Variants in FADS2 observed in about 807,000 individuals in gnomAD.
FADS2 encodes acyl-CoA 6-desaturase.
A neutral mutation model predicts 61.2 loss-of-function variants in FADS2; 18 were observed. The observed-to-expected ratio is 0.29, with a 90% confidence interval of 0.20 to 0.44. The LOEUF is 0.44. FADS2 is among the 20% of genes least tolerant of loss of function. The pLI is 1.00. For synonymous variants in FADS2, 203 were observed against 223.9 expected (o/e 0.91, Z 0.83); for missense variants, 322 against 572.7 (o/e 0.56, Z 4.47).
chr11:61,821,309 C>A, intron 1 of FADS2: 1 of 664,148 alleles, frequency 1.5e-6, no homozygotes, highest in South Asian at 1.6e-5. Context: ...TACTTGAGCT[C>A]AGGAGTTGGA....
upstream of FADS2, chr11:61,828,193 C>T (rs1263959428): frequency 4.9e-6 from 7 of 1,417,378 alleles, no homozygotes; most frequent in Admixed American, 5.9e-5. The surrounding 1 kb of genome is among the most constrained non-coding windows in gnomAD (Gnocchi z 6.4). Flanking sequence ...AGGGATCCTC[C>T]GCCAGGAAGG....
Position 61,837,771 on chromosome 11 carries a change from T to A in FADS2, c.208-7T>A, listed in dbSNP as rs2067186020. The A allele has an allele frequency of 6.2e-7, 1 of 1,601,316 alleles. No individual in the cohort carries two copies. The highest frequency in any genetic ancestry group is 1.3e-5 in the African/African-American group (1 of 74,630). On this transcript the variant is annotated splice_region_variant and splice_polypyrimidine_tract_variant and intron_variant, in intron 1 of 11. Coordinates refer to ENST00000278840, the MANE Select transcript of FADS2 (RefSeq NM_004265.4). ...TCTTAGCCTCATCACTGCCCTCTGC[T>A]CTCCAGGATGCCTTCCGCGCCTTCC...
At chr11:61,843,723 A>T (rs978632738) in intron 4 of FADS2, among the ~76,000 whole-genome samples, 2 of 152,152 alleles carry the variant, frequency 1.3e-5, no homozygotes, top group Non-Finnish European at 2.9e-5. Flanking sequence ...CAATGGCGTG[A>T]TCTCAACTCA....
rs890697472 is a variant in FADS2 at position 61,865,440 on chromosome 11, C to T, written c.1283+163C>T. The T allele has an allele frequency of 6.0e-6, 6 of 997,582 alleles. No individual in the cohort carries two copies. Among genetic ancestry groups the T allele is most frequent in the Non-Finnish European group, 8.8e-6 (6 of 681,906 alleles). The allele number at this position is 997,582 out of a possible 1,614,324, so 61.8% of individuals were successfully genotyped here. ...CTGTTGGGCTTTTCTCCCTGGGCTG[C>T]GAGAAGACCATCCCTTTCTGTGTGG... On this transcript the variant is annotated intron_variant, in intron 11 of 11. Transcript: ENST00000278840. The surrounding 1 kb of genome is among the most constrained non-coding windows in gnomAD (Gnocchi z 4.1).
chr11:61,863,259 C>T (rs746703791), intron 8 of FADS2, 23 bp from the exon 9 acceptor site: 105 of 1,596,624 alleles, frequency 6.6e-5, no homozygotes, highest in East Asian at 1.3e-4. Context: ...GAGGCCCCTG[C>T]GCTGAGCTGT....
chr11:61,824,128 T>A (rs2135949062), upstream of FADS2, among the ~76,000 whole-genome samples: 1 of 151,592 alleles, frequency 6.6e-6, no homozygotes, highest in Middle Eastern at 3.4e-3. Context: ...ATGCCTGTAA[T>A]CCCAGCACTT....
chr11:61,837,253 T>A (rs2067181586), intron 1 of FADS2, among the ~76,000 whole-genome samples: 1 of 152,260 alleles, frequency 6.6e-6, no homozygotes, highest in South Asian at 2.1e-4. Flanking sequence ...GAACGCTTTT[T>A]ACATAATTCT....
upstream of FADS2, among the ~76,000 whole-genome samples, chr11:61,825,853 A>G (rs1408522395): frequency 6.6e-6 from 1 of 152,138 alleles, no homozygotes; most frequent in African/African-American, 2.4e-5. Flanking sequence ...AGATCGCACC[A>G]CTGCACTCTA....
At chr11:61,827,940 G>A (rs2067096898), upstream of FADS2, 2 of 697,788 alleles carry the variant, frequency 2.9e-6, no homozygotes, top group Non-Finnish European at 3.6e-6. The surrounding 1 kb of genome is among the most constrained non-coding windows in gnomAD (Gnocchi z 4.5). Flanking sequence ...GATCCTCCTG[G>A]GCCAATGGCA....
At chr11:61,830,406 C>T (rs946685851) in intron 1 of FADS2, among the ~76,000 whole-genome samples, 2 of 152,202 alleles carry the variant, frequency 1.3e-5, no homozygotes, top group African/African-American at 4.8e-5. Flanking sequence ...TGATTTATTT[C>T]TTCCTTGTTC....
intron 7 of FADS2, chr11:61,862,003 G>T (rs1320625306): frequency 6.6e-6 from 1 of 152,254 alleles, no homozygotes; most frequent in African/African-American, 2.4e-5. Flanking sequence ...GCAGTCCCTT[G>T]GCCTCACCTT....
chr11:61,822,558 A>G (rs1052634185), intron 1 of FADS2, among the ~76,000 whole-genome samples: 7 of 152,134 alleles, frequency 4.6e-5, no homozygotes, highest in Non-Finnish European at 7.4e-5. Flanking sequence ...AGGCCCTCAG[A>G]CCTGCCTCTA....
chr11:61,857,512 C>G lies in FADS2; in HGVS notation c.864C>G (p.Ile288Met), dbSNP rs771811186. Residue 288 changes from isoleucine (I) to methionine (M), a missense_variant, in exon 7 of 12, where the codon ATC becomes ATG. Physicochemically the swap from Ile to Met is conservative, Grantham distance 10. Around this residue, in one of 3 missense-constraint regions of FADS2, gnomAD observed 221 missense variants for 427.9 expected, o/e 0.52. Coordinates refer to ENST00000278840, the MANE Select transcript of FADS2 (RefSeq NM_004265.4). Reference sequence around the variant, plus strand: ...AGTACCAGATCATCATGACCATGATCGTCCATAAGAACTGGGTGGTGAGTT... The same window carrying G: ...AGTACCAGATCATCATGACCATGATGGTCCATAAGAACTGGGTGGTGAGTT... Reference protein sequence around the residue: ...YFQYQIIMTMIVHKNWVDLAW... With the variant: ...YFQYQIIMTMMVHKNWVDLAW... 2.5e-6 allele frequency: 4 copies of G among 1,613,936 alleles called. No homozygotes were observed. The highest frequency in any genetic ancestry group is 3.4e-6 in the Non-Finnish European group (4 of 1,179,866).
rs1042712218 is a variant in FADS2 at position 61,866,179 on chromosome 11, C to T, written c.*490C>T. ...CCCGGCCTGGCTTCACTCTCCCTGACGGCTGCCATTGGTCCACCCTTTCAT... is the reference window on the plus strand; with the variant it reads ...CCCGGCCTGGCTTCACTCTCCCTGATGGCTGCCATTGGTCCACCCTTTCAT... On this transcript the variant is annotated 3_prime_UTR_variant, in exon 12 of 12. Transcript: ENST00000278840. The T allele has an allele frequency of 1.5e-5, 6 of 397,664 alleles. No homozygotes were observed. The highest frequency in any genetic ancestry group is 6.2e-4 in the Middle Eastern group (1 of 1,610). 24.6% of individuals were successfully genotyped at this position (397,664 alleles called of 1,614,324 possible).
upstream of FADS2, among the ~76,000 whole-genome samples, chr11:61,825,848 G>A (rs1032136210): frequency 5.9e-5 from 9 of 152,038 alleles, no homozygotes; most frequent in African/African-American, 1.9e-4. Flanking sequence ...AGTAGAGATC[G>A]CACCACTGCA....
At chr11:61,848,548 T>G (rs1565332963) in intron 5 of FADS2, 2 of 508,548 alleles carry the variant, frequency 3.9e-6, no homozygotes, top group East Asian at 7.2e-5. Context: ...CTAGGTACCC[T>G]GAATTGTTCT....
chr11:61,854,437 A>G (rs1440164564), intron 5 of FADS2: 2 of 152,318 alleles, frequency 1.3e-5, no homozygotes, highest in African/African-American at 4.8e-5. Flanking sequence ...GTTCAAGGTA[A>G]CAGCAAGGAA....
chr11:61,861,368 A>AAAAAAAAAC (rs2067414956), intron 7 of FADS2, among the ~76,000 whole-genome samples: 2 of 147,106 alleles, frequency 1.4e-5, no homozygotes, highest in African/African-American at 5.0e-5. Context: ...AAAAAAAAAA[A>AAAAAAAAAC]AAACAGAAAT....
chr11:61,853,359 G>A (rs2067327678), intron 5 of FADS2, among the ~76,000 whole-genome samples: 1 of 127,058 alleles, frequency 7.9e-6, no homozygotes, highest in South Asian at 2.8e-4. Context: ...TAATCTGGAT[G>A]TTGAAGTAGT....
Sources: gnomAD v4.1 joint callset for allele counts (sites outside exome capture counted in the v4.1 genomes callset) on GRCh38, gnomAD v4.1.1 for gene constraint, gnomAD v4.1.1 regional missense constraint, Gnocchi (gnomAD v3.1) non-coding constraint, MANE v1.5 for transcripts, NCBI Gene and HGNC (gene_info 2026-07-23, HGNC 2026-07-21) for gene names.